The following LIN9 variants were observed in gnomAD, a reference collection of about 807,000 sequenced individuals.
LIN9 encodes the protein protein lin-9 homolog.
Under a neutral mutation model 78.0 loss-of-function variants are expected in LIN9, and 18 were observed. The observed-to-expected ratio is 0.23, with a 90% CI of 0.16 to 0.34. The LOEUF is 0.34. Among genes scored for constraint, LIN9 ranks in the 10% least tolerant of loss-of-function variants. The pLI is 1.00. For missense variants in LIN9, 451 were observed against 644.1 expected (o/e 0.70, Z 3.25); for synonymous variants, 192 against 215.2 (o/e 0.89, Z 0.94).
At chr1:226,241,303 A>G (rs1658094145) in intron 11 of LIN9, among the ~76,000 whole-genome samples, 1 of 152,226 alleles carries the variant, frequency 6.6e-6, no homozygotes, top group South Asian at 2.1e-4. Context: ...TACTGAGGAT[A>G]TAGTGTAACA....
chr1:226,267,116 A>G (rs1659965947), intron 8 of LIN9, among the ~76,000 whole-genome samples: 1 of 151,606 alleles, frequency 6.6e-6, no homozygotes, highest in Admixed American at 6.6e-5. Flanking sequence ...TAAAGCTTTC[A>G]TCCTTTAATG....
intron 4 of LIN9, among the ~76,000 whole-genome samples, chr1:226,291,403 C>T (rs981812439): frequency 4.0e-5 from 6 of 151,708 alleles, no homozygotes; most frequent in Non-Finnish European, 8.8e-5. Flanking sequence ...TGGCACAATA[C>T]CATGAAAATG....
chr1:226,269,774 G>A (rs1465101421), intron 7 of LIN9, among the ~76,000 whole-genome samples: 1 of 152,112 alleles, frequency 6.6e-6, no homozygotes, highest in Admixed American at 6.5e-5. Context: ...AGATCCAATA[G>A]TCTGGCAAAA....
At chr1:226,308,432 T>A (rs1663060979) in intron 1 of LIN9, among the ~76,000 whole-genome samples, 1 of 152,072 alleles carries the variant, frequency 6.6e-6, no homozygotes, top group African/African-American at 2.4e-5. Flanking sequence ...TAGAATAAAG[T>A]CTGCGGGACG....
Position 226,268,823 on chromosome 1 carries a change from A to G in LIN9, c.683-733T>C, listed in dbSNP as rs79655152. 4.1e-3 allele frequency among the ~76,000 whole-genome samples: 630 copies of G among 152,296 alleles called. 26 individuals carry two copies. The South Asian group carries it at 0.075, about 18-fold the overall frequency. On this transcript the variant is annotated intron_variant, in intron 7 of 14. Transcript: ENST00000681046. ...AAGTCTTGCATGACTCTATTGGGAGAGGACTTTTGAAAACTTGCACGTGGT... is the reference window on the plus strand; with the variant it reads ...AAGTCTTGCATGACTCTATTGGGAGGGGACTTTTGAAAACTTGCACGTGGT...
At chr1:226,280,262 A>T (rs1660959431) in intron 6 of LIN9, among the ~76,000 whole-genome samples, 1 of 152,228 alleles carries the variant, frequency 6.6e-6, no homozygotes, top group South Asian at 2.1e-4. Flanking sequence ...AATAAAAACA[A>T]TGAGAAAAAA....
At chr1:226,283,783 A>G (rs943290553) in intron 6 of LIN9, among the ~76,000 whole-genome samples, 1 of 152,016 alleles carries the variant, frequency 6.6e-6, no homozygotes, top group African/African-American at 2.4e-5. Context: ...CCCCGTCTCT[A>G]CTAAAAATAC....
chr1:226,296,857 C>CA (rs898977380), intron 3 of LIN9, among the ~76,000 whole-genome samples: 20 of 149,884 alleles, frequency 1.3e-4, no homozygotes, highest in African/African-American at 3.2e-4. Flanking sequence ...CCCATCTCTA[C>CA]AAAAAAAAAA....
chr1:226,273,649 A>G (rs2102932658), intron 7 of LIN9, among the ~76,000 whole-genome samples: 1 of 152,244 alleles, frequency 6.6e-6, no homozygotes, highest in East Asian at 1.9e-4. Flanking sequence ...TTCCCAAACC[A>G]GCAGCATTAC....
chr1:226,232,050 G>T lies in LIN9; in HGVS notation c.*451C>A. ...GTTATCTTTTGAAGACTGAGATGGT[G>T]ATCAACTAAATCAAGTGGAGTTGTA... On this transcript the variant is annotated 3_prime_UTR_variant, in exon 15 of 15. Coordinates refer to ENST00000681046, the MANE Select transcript of LIN9 (RefSeq NM_001366245.2). 2.5e-6 allele frequency: 1 copy of T among 398,410 alleles called. No homozygotes were observed. The highest frequency in any genetic ancestry group is 1.3e-4 in the South Asian group (1 of 7,824). 24.7% of individuals were successfully genotyped at this position (398,410 alleles called of 1,614,324 possible).
intron 2 of LIN9, among the ~76,000 whole-genome samples, chr1:226,298,616 T>G (rs1662306906): frequency 6.6e-6 from 1 of 152,196 alleles, no homozygotes; most frequent in African/African-American, 2.4e-5. Context: ...ATTCCAGGAC[T>G]TTGGGAGGCC....
rs1323244629 is a variant in LIN9, at chr1:226,265,402, G to A, written c.1038+131C>T. 1 of 478,960 alleles carries A rather than the reference G, an allele frequency of 2.1e-6. No individual in the cohort carries two copies. Among genetic ancestry groups the A allele is most frequent in the East Asian group, 3.4e-5 (1 of 29,428 alleles). 29.7% of individuals were successfully genotyped at this position (478,960 alleles called of 1,614,324 possible). ...TTTATAACTTTTATTTTCAGGCTTT[G>A]TTGGAAATAGCAGCTCTTAAAACCT... On this transcript the variant is annotated intron_variant, in intron 10 of 14. Transcript: ENST00000681046. The surrounding 1 kb of genome is among the most constrained non-coding windows in gnomAD (Gnocchi z 4.1).
chr1:226,254,842 C>T lies in LIN9; in HGVS notation c.1039-3923G>A, dbSNP rs756009130. Among the ~76,000 whole-genome samples the T allele has an allele frequency of 8.4e-5, 12 of 143,058 alleles. No individual in the cohort carries two copies. In the Middle Eastern group the frequency reaches 0.011, roughly 130 times the overall value. 93.9% of individuals were successfully genotyped at this position (143,058 alleles called of 152,430 possible). On this transcript the variant is annotated intron_variant, in intron 10 of 14. Coordinates refer to ENST00000681046, the MANE Select transcript of LIN9 (RefSeq NM_001366245.2). The stretch of plus-strand genomic sequence containing the variant: ...AGAAGAATGGCGTGAACCCGGAAGG[C>T]GGAGCTTGCAGTGAGCTGAGATCGT...
chr1:226,245,073 A>G (rs1026126245), intron 11 of LIN9, among the ~76,000 whole-genome samples: 1 of 152,224 alleles, frequency 6.6e-6, no homozygotes, highest in South Asian at 2.1e-4. Flanking sequence ...GCACCTGTAG[A>G]GGCCAGAGGG....
At chr1:226,297,080 C>G (rs991402815) in intron 3 of LIN9, among the ~76,000 whole-genome samples, 3 of 152,112 alleles carry the variant, frequency 2.0e-5, no homozygotes, top group Middle Eastern at 3.2e-3. Context: ...CACTGCCCCC[C>G]TTCCCTGACC....
chr1:226,235,617 C>T (rs547615172), intron 12 of LIN9, among the ~76,000 whole-genome samples: 1 of 152,296 alleles, frequency 6.6e-6, no homozygotes, highest in African/African-American at 2.4e-5. Flanking sequence ...TTCACTTTGG[C>T]ACTCAAAAAA....
chr1:226,260,628 GTTTTTTTTTTTTTT>G (rs559460640), intron 10 of LIN9, among the ~76,000 whole-genome samples: 24 of 73,430 alleles, frequency 3.3e-4, no homozygotes, highest in African/African-American at 6.6e-4. Context: ...GGCCAAATGA[GTTTTTTTTTTTTTT>G]TTTTTTTTTT....
intron 12 of LIN9, among the ~76,000 whole-genome samples, chr1:226,235,321 T>C (rs1453647259): frequency 1.1e-4 from 1 of 9,334 alleles, no homozygotes; most frequent in Non-Finnish European, 2.0e-4. Context: ...AAAATCCGTC[T>C]CAAAAAAAAA....
In LIN9 at chr1:226,297,702, A is replaced by T; in HGVS notation, c.159+17T>A. ...AGCTAGAATTATTCTAAAATGTAAG[A>T]AAAACTCACTCCTTACCATTTCCAC... is the stretch of plus-strand genomic sequence containing the variant. On this transcript the variant is annotated intron_variant, in intron 3 of 14. Coordinates refer to ENST00000681046, the MANE Select transcript of LIN9 (RefSeq NM_001366245.2). The T allele has an allele frequency of 6.6e-7, 1 of 1,504,066 alleles. No homozygotes were observed. The highest frequency in any genetic ancestry group is 9.0e-7 in the Non-Finnish European group (1 of 1,114,064). 93.2% of individuals were successfully genotyped at this position (1,504,066 alleles called of 1,614,324 possible).
Sources: allele counts gnomAD v4.1 joint callset (sites outside exome capture counted in the v4.1 genomes callset), GRCh38; gene constraint gnomAD v4.1.1; non-coding constraint Gnocchi (gnomAD v3.1); transcripts MANE v1.5; gene names NCBI Gene and HGNC (gene_info 2026-07-23, HGNC 2026-07-21).